NMS: variants seen among roughly 807,000 people sequenced by gnomAD.
NMS encodes the protein neuromedin S.
NMS carries 30 observed loss-of-function variants against 32.2 expected under a neutral mutation model. The ratio of observed to expected loss-of-function variants is 0.93; its 90% confidence interval spans 0.70 to 1.26. The LOEUF (loss-of-function observed/expected upper bound fraction) is 1.26. NMS is among the 50% of genes most tolerant of loss of function. The pLI is 0.00. For synonymous variants in NMS, 76 were observed against 58.5 expected (o/e 1.30, Z -1.37); for missense variants, 190 against 186.3 (o/e 1.02, Z -0.12).
At chr2:100,475,277 G>A (rs1677087753) in intron 3 of NMS, among the ~76,000 whole-genome samples, 1 of 152,124 alleles carries the variant, frequency 6.6e-6, no homozygotes, top group African/African-American at 2.4e-5. Flanking sequence ...TTCGTCTCTT[G>A]GGGCTTTGGT....
At position 100,472,796 on chromosome 2, in the gene NMS, A is replaced by C. The variant is rs1490382616; in HGVS notation, c.78A>C (p.Gly26=). Residue 26 remains glycine, a splice_region_variant and synonymous_variant, in exon 2 of 10, where the codon GGA becomes GGC. Coordinates refer to ENST00000376865, the MANE Select transcript of NMS (RefSeq NM_001011717.1). The stretch of plus-strand genomic sequence containing the variant: ...TAATTTTATGATTTCTCACAATAGG[A>C]TTTCCTCAACCTTTAGCTGATCCTT... ...CFCMLQIPSS[G]FPQPLADPSD... 1 of 1,601,974 alleles carries C rather than the reference A, an allele frequency of 6.2e-7. No homozygotes were observed. The highest frequency in any genetic ancestry group is 1.7e-5 in the Admixed American group (1 of 59,720).
At chr2:100,482,191 G>T in intron 8 of NMS, 86 bp from the exon 9 acceptor site, 1 of 1,322,142 alleles carries the variant, frequency 7.6e-7, no homozygotes, top group South Asian at 1.2e-5. Context: ...GAGGCCTTAG[G>T]GTTCAACAGA....
intron 3 of NMS, among the ~76,000 whole-genome samples, chr2:100,474,101 G>A (rs1677059959): frequency 6.6e-6 from 1 of 152,236 alleles, no homozygotes; most frequent in African/African-American, 2.4e-5. Context: ...GGAGGCGGAG[G>A]TTGCAGTGAG....
chr2:100,482,452 G>T, intron 9 of NMS, 141 bp downstream of exon 9: 1 of 767,736 alleles, frequency 1.3e-6, no homozygotes, highest in Non-Finnish European at 2.2e-6. Context: ...CAGGAACTCT[G>T]CCCCTTCCCT....
At position 100,481,138 on chromosome 2, in the gene NMS, A is replaced by G; in HGVS notation, c.385A>G (p.Thr129Ala). 6.2e-7 allele frequency: 1 copy of G among 1,614,114 alleles called. No individual in the cohort carries two copies. The highest frequency in any genetic ancestry group is 8.5e-7 in the Non-Finnish European group (1 of 1,179,992). The change falls in exon 8 of 10, where the codon ACC becomes GCC. Residue 129 changes from threonine (T) to alanine (A), a missense_variant. Thr to Ala is a moderately conservative substitution (Grantham distance 58). Coordinates refer to ENST00000376865, the MANE Select transcript of NMS (RefSeq NM_001011717.1). ...VDFTKKDHTA[T>A]WGRPFFLFRP... ...CTATATGTTGCAGGATCACACTGCG[A>G]CCTGGGGACGACCCTTTTTCCTTTT...
At chr2:100,472,709 A>G (rs1677025051) in intron 1 of NMS, 86 bp from the exon 2 acceptor site, 2 of 820,022 alleles carry the variant, frequency 2.4e-6, no homozygotes, top group Non-Finnish European at 4.0e-6. Flanking sequence ...ATTTTAACAG[A>G]ATGTCTGTTT....
chr2:100,474,967 T>C (rs1677080082), intron 3 of NMS, among the ~76,000 whole-genome samples: 1 of 152,156 alleles, frequency 6.6e-6, no homozygotes, highest in Non-Finnish European at 1.5e-5. Flanking sequence ...TCCCTATCCC[T>C]CAGGTGAAGA....
intron 3 of NMS, among the ~76,000 whole-genome samples, chr2:100,476,130 T>G (rs1429892120): frequency 6.6e-6 from 1 of 151,944 alleles, no homozygotes; most frequent in African/African-American, 2.4e-5. Context: ...AAAGTAAACA[T>G]AACAGTATAC....
At chr2:100,477,539 T>G (rs1677135977) in intron 5 of NMS, 125 bp downstream of exon 5, 1 of 668,244 alleles carries the variant, frequency 1.5e-6, no homozygotes. Context: ...GGGTAGTAGC[T>G]TCCCAGGGGC....
chr2:100,480,650 C>A, intron 7 of NMS, 119 bp downstream of exon 7: 2 of 926,990 alleles, frequency 2.2e-6, no homozygotes, highest in South Asian at 1.6e-5. Context: ...CAGAGCTGGT[C>A]TCCAAAGGAC....
chr2:100,479,699 C>T (rs762009891), intron 6 of NMS, among the ~76,000 whole-genome samples: 4 of 152,228 alleles, frequency 2.6e-5, no homozygotes, highest in Admixed American at 6.5e-5. Context: ...CTCCTTTCAT[C>T]CCTAAGTTGT....
At chr2:100,472,393 A>C (rs1052315464) in intron 1 of NMS, among the ~76,000 whole-genome samples, 5 of 152,202 alleles carry the variant, frequency 3.3e-5, no homozygotes, top group East Asian at 1.9e-4. Flanking sequence ...TCAAAGTTCA[A>C]AGGTGATTCT....
At chr2:100,472,141 A>C (rs2104330516) in intron 1 of NMS, among the ~76,000 whole-genome samples, 1 of 152,368 alleles carries the variant, frequency 6.6e-6, no homozygotes, top group Non-Finnish European at 1.5e-5. Context: ...CACATTAAAA[A>C]TCTAAGTGCC....
chr2:100,473,590 C>G (rs531081607), intron 3 of NMS, 51 bp downstream of exon 3: 1 of 651,602 alleles, frequency 1.5e-6, no homozygotes, highest in South Asian at 4.8e-5. Flanking sequence ...ATATATGCAA[C>G]AAACACACTC....
At chr2:100,481,231 A>C (rs189102738) in intron 8 of NMS, 64 bp downstream of exon 8, 17 of 1,476,292 alleles carry the variant, frequency 1.2e-5, no homozygotes, top group Admixed American at 5.0e-5. Context: ...CCAATCATGG[A>C]GTGACTGCAA....
chr2:100,470,541 G>T lies in NMS; in HGVS notation c.53G>T (p.Cys18Phe), dbSNP rs757468219. Residue 18 changes from cysteine to phenylalanine, a missense_variant, in exon 1 of 10, where the codon TGC becomes TTC. Transcript: ENST00000376865. ...FPLILAIYCFCMLQIPSSGFP... is the reference protein window; with the variant it reads ...FPLILAIYCFFMLQIPSSGFP... ...CTCATCTTGGCCATCTACTGCTTCT[G>T]CATGCTACAGATTCCCTCCTCAGGT... 3 of 1,613,748 alleles carry T rather than the reference G, an allele frequency of 1.9e-6. No homozygotes were observed. Among genetic ancestry groups the T allele is most frequent in the Non-Finnish European group, 2.5e-6 (3 of 1,179,760 alleles).
chr2:100,482,271 T>C lies in NMS; in HGVS notation c.415-6T>C. ...AGTATTCATAAGTTGCTCCTTTTTT[T>C]TTCAGCCCAGGAATGGAAGAAACAT... On this transcript the variant is annotated splice_region_variant and splice_polypyrimidine_tract_variant and intron_variant, in intron 8 of 9. Coordinates refer to ENST00000376865, the MANE Select transcript of NMS (RefSeq NM_001011717.1). 1 of 1,613,940 alleles carries C rather than the reference T, an allele frequency of 6.2e-7. No homozygotes were observed. Among genetic ancestry groups the C allele is most frequent in the Non-Finnish European group, 8.5e-7 (1 of 1,179,840 alleles).
Position 100,480,531 on chromosome 2 carries a change from G to T in NMS, c.372G>T (p.Lys124Asn), listed in dbSNP as rs766889988. ...CTGCTGCAGTGGACTTCACCAAGAA[G>T]GTACACAAGAGCCTTGGAGACTGCG... Reference protein sequence around the residue: ...SGTAAVDFTKKDHTATWGRPF... With the variant: ...SGTAAVDFTKNDHTATWGRPF... Residue 124 changes from lysine (K) to asparagine (N), a missense_variant and splice_region_variant, in exon 7 of 10, where the codon AAG becomes AAT. By Grantham distance (94) the Lys-to-Asn change is moderately conservative. Coordinates refer to ENST00000376865, the MANE Select transcript of NMS (RefSeq NM_001011717.1). 3.3e-5 allele frequency: 53 copies of T among 1,612,886 alleles called. No individual in the cohort carries two copies. The highest frequency in any genetic ancestry group is 4.3e-5 in the Non-Finnish European group (51 of 1,180,020).
chr2:100,479,315 TC>T, intron 5 of NMS, 37 bp from the exon 6 acceptor site: 7 of 1,502,866 alleles, frequency 4.7e-6, no homozygotes, highest in East Asian at 2.4e-5. Flanking sequence ...TCTGTGGATG[TC>T]CCCCTGTCTG....
Sources: gnomAD v4.1 joint callset for allele counts (sites outside exome capture counted in the v4.1 genomes callset) on GRCh38, gnomAD v4.1.1 for gene constraint, MANE v1.5 for transcripts, NCBI Gene and HGNC (gene_info 2026-07-23, HGNC 2026-07-21) for gene names.